Variants in ALMS1 observed in about 807,000 individuals in gnomAD.
The protein encoded by ALMS1 is ALMS1 centrosome and basal body associated protein.
ALMS1 carries 271 observed loss-of-function variants against 352.2 expected under a neutral mutation model. The ratio of observed to expected loss-of-function variants is 0.77; its 90% CI spans 0.70 to 0.85. The LOEUF (loss-of-function observed/expected upper bound fraction) is 0.85. ALMS1 is among the 40% of genes least tolerant of loss of function. ALMS1 has a pLI of 0.00. For synonymous variants in ALMS1, 1,865 were observed against 1,761.2 expected (o/e 1.06, Z -1.48); for missense variants, 5,445 against 4,870.7 (o/e 1.12, Z -3.51).
Position 73,449,081 on chromosome 2 carries a change from G to A in ALMS1, c.2554G>A (p.Ala852Thr), listed in dbSNP as rs747287409. 6.2e-7 allele frequency: 1 copy of A among 1,613,866 alleles called. No individual in the cohort carries two copies. Among genetic ancestry groups the A allele is most frequent in the Non-Finnish European group, 8.5e-7 (1 of 1,179,936 alleles). The change falls in exon 8 of 23, where the codon GCT becomes ACT. Residue 852 changes from alanine (A) to threonine (T), a missense_variant. Transcript: ENST00000613296. ...AGCTGACGGAAAGACTGGGACACCA[G>A]CTGTAACCTCTACTTCCTCTGCGTC... The part of the protein sequence containing the change: ...GPADGKTGTP[A>T]VTSTSSASSS...
chr2:73,548,553 T>C (rs2104029801), intron 12 of ALMS1, among the ~76,000 whole-genome samples: 1 of 152,336 alleles, frequency 6.6e-6, no homozygotes, highest in East Asian at 1.9e-4. Flanking sequence ...TGGTGCAGAC[T>C]GTGCGTGCAC....
chr2:73,436,327 C>T (rs1671603736), intron 7 of ALMS1, among the ~76,000 whole-genome samples: 2 of 152,152 alleles, frequency 1.3e-5, no homozygotes, highest in African/African-American at 4.8e-5. Context: ...CTTTCACTTT[C>T]AGTATCTTGA....
chr2:73,550,853 T>G (rs904474448), intron 13 of ALMS1, among the ~76,000 whole-genome samples: 3 of 152,086 alleles, frequency 2.0e-5, no homozygotes, highest in African/African-American at 7.3e-5. Context: ...TTTTTTTAAT[T>G]TTTTTAAAGA....
At chr2:73,474,939 T>C (rs1043830202) in intron 9 of ALMS1, among the ~76,000 whole-genome samples, 1 of 152,136 alleles carries the variant, frequency 6.6e-6, no homozygotes, top group African/African-American at 2.4e-5. Context: ...ACCAGTCCAC[T>C]TTCTCTCCCA....
intron 9 of ALMS1, among the ~76,000 whole-genome samples, chr2:73,488,568 TG>T (rs987668854): frequency 6.6e-6 from 1 of 151,836 alleles, no homozygotes; most frequent in African/African-American, 2.4e-5. Flanking sequence ...CAGAAGGGAG[TG>T]GGGCTTCTGC....
chr2:73,462,041 A>T (rs1037289646), intron 9 of ALMS1, among the ~76,000 whole-genome samples: 5 of 151,904 alleles, frequency 3.3e-5, no homozygotes, highest in Admixed American at 6.5e-5. Flanking sequence ...GCAGGATATT[A>T]TCCGGGAGAA....
At chr2:73,475,149 C>T (rs1382484698) in intron 9 of ALMS1, among the ~76,000 whole-genome samples, 1 of 152,082 alleles carries the variant, frequency 6.6e-6, no homozygotes, top group Non-Finnish European at 1.5e-5. Context: ...AGTTGGTAGA[C>T]ATTTGGATTT....
intron 8 of ALMS1, 78 bp from the exon 9 acceptor site, chr2:73,455,084 G>GTGTTTCAATTGTTGACAA: frequency 6.7e-7 from 1 of 1,488,980 alleles, no homozygotes; most frequent in South Asian, 1.1e-5. Flanking sequence ...TGCATATATT[G>GTGTTTCAATTGTTGACAA]ATGATCTTCT....
chr2:73,462,456 G>A (rs1033901654), intron 9 of ALMS1, among the ~76,000 whole-genome samples: 1 of 152,178 alleles, frequency 6.6e-6, no homozygotes, highest in Non-Finnish European at 1.5e-5. Flanking sequence ...CCTGAAGGAA[G>A]CGCTAAACAT....
At chr2:73,430,828 A>G (rs1671485279) in intron 6 of ALMS1, among the ~76,000 whole-genome samples, 1 of 152,164 alleles carries the variant, frequency 6.6e-6, no homozygotes, top group Non-Finnish European at 1.5e-5. Context: ...AAATTGCCTG[A>G]CAGCACATTT....
intron 2 of ALMS1, among the ~76,000 whole-genome samples, chr2:73,410,523 A>G (rs1333601209): frequency 6.6e-6 from 1 of 152,208 alleles, no homozygotes; most frequent in African/African-American, 2.4e-5. Context: ...TACATAAATT[A>G]CCTATCATAG....
intron 7 of ALMS1, among the ~76,000 whole-genome samples, chr2:73,440,840 T>C (rs1671705408): frequency 6.6e-6 from 1 of 152,254 alleles, no homozygotes; most frequent in Non-Finnish European, 1.5e-5. Context: ...CTATTTATAA[T>C]CTTCTGTTTA....
intron 10 of ALMS1, among the ~76,000 whole-genome samples, chr2:73,498,177 T>C (rs1673147920): frequency 6.6e-6 from 1 of 152,200 alleles, no homozygotes; most frequent in Non-Finnish European, 1.5e-5. Flanking sequence ...TACTTTTTGC[T>C]GGTGGCAGTC....
rs776808559 is a variant in ALMS1 at position 73,600,801 on chromosome 2, A to G, written c.11792A>G (p.Glu3931Gly). The change falls in exon 18 of 23, where the codon GAA (glutamate) becomes GGA (glycine). Residue 3931 changes from glutamate (E) to glycine (G), a missense_variant. Glu to Gly is a moderately conservative substitution (Grantham distance 98). Transcript: ENST00000613296. The part of the protein sequence containing the change: ...ENSDVTSWSE[E>G]KREEKMLFTG... Reference sequence around the variant, plus strand: ...AGTGATGTGACTTCTTGGTCAGAAGAAAAACGTGAAGAGAAAATGCTCTTT... The same window carrying G: ...AGTGATGTGACTTCTTGGTCAGAAGGAAAACGTGAAGAGAAAATGCTCTTT... The G allele has an allele frequency of 3.7e-5, 60 of 1,614,140 alleles. No individual in the cohort carries two copies. Among genetic ancestry groups the G allele is most frequent in the Admixed American group, 5.0e-5 (3 of 60,018 alleles).
chr2:73,432,204 A>G lies in ALMS1; in HGVS notation c.1345A>G (p.Arg449Gly), dbSNP rs777458464. Residue 449 changes from arginine to glycine, a missense_variant, in exon 7 of 23, where the codon AGA becomes GGA. By Grantham distance (125) the Arg-to-Gly change is moderately radical. Coordinates refer to ENST00000613296, the MANE Select transcript of ALMS1 (RefSeq NM_001378454.1). ...RVAELQRKPT[R>G]ESEYHSSDLR... ...TTCATTTGTTCCACATAAGCCAACA[A>G]GAGAGTCGGAATATCACTCTTCAGA... The G allele has an allele frequency of 3.7e-6, 6 of 1,612,264 alleles. No individual in the cohort carries two copies. The highest frequency in any genetic ancestry group is 1.3e-5 in the African/African-American group (1 of 74,882).
At chr2:73,524,510 C>T (rs923495569) in intron 11 of ALMS1, among the ~76,000 whole-genome samples, 4 of 152,034 alleles carry the variant, frequency 2.6e-5, no homozygotes, top group African/African-American at 9.7e-5. Flanking sequence ...GGCTGGAGTA[C>T]AGTGGCATGA....
chr2:73,591,398 T>A (rs1291654005), intron 16 of ALMS1, among the ~76,000 whole-genome samples: 2 of 152,214 alleles, frequency 1.3e-5, no homozygotes. Context: ...AATAAAGTAA[T>A]GTCAATAAAT....
rs553943848 is a variant in ALMS1, at chr2:73,545,904, G to A, written c.9908-4363G>A. Among the ~76,000 whole-genome samples, 140 of 152,266 alleles carry A rather than the reference G, an allele frequency of 9.2e-4. 1 individual carries two copies. Among genetic ancestry groups the A allele is most frequent in the South Asian group, 3.5e-3 (17 of 4,822 alleles). ...ATTCTCAAAATTAATTGTAGTCCTC[G>A]TTTGCCTTTTGTAGTGTAGGCATCT... On this transcript the variant is annotated intron_variant, in intron 12 of 22. Coordinates refer to ENST00000613296, the MANE Select transcript of ALMS1 (RefSeq NM_001378454.1).
intron 1 of ALMS1, among the ~76,000 whole-genome samples, chr2:73,406,841 G>C (rs1397262476): frequency 6.6e-6 from 1 of 152,220 alleles, no homozygotes; most frequent in East Asian, 1.9e-4. Flanking sequence ...TGGCCAGGCT[G>C]GTCTCAAACT....
Sources: gnomAD v4.1 joint callset for allele counts (sites outside exome capture counted in the v4.1 genomes callset) on GRCh38, gnomAD v4.1.1 for gene constraint, MANE v1.5 for transcripts, NCBI Gene and HGNC (gene_info 2026-07-23, HGNC 2026-07-21) for gene names.